PCDHGA6: variants seen among roughly 807,000 people sequenced by gnomAD.
The protein encoded by PCDHGA6 is protocadherin gamma subfamily A, 6, also known as protocadherin gamma-A6.
Under a neutral mutation model 60.6 loss-of-function variants are expected in PCDHGA6, and 41 were observed. The ratio of observed to expected loss-of-function variants is 0.68; its 90% CI spans 0.53 to 0.88. PCDHGA6 has a LOEUF of 0.88. PCDHGA6 is among the 40% of genes least tolerant of loss of function. The pLI, the probability that PCDHGA6 is intolerant of heterozygous loss-of-function variation, is 0.00. For missense variants in PCDHGA6, 1,312 were observed against 1,203.0 expected, an observed-to-expected ratio of 1.09 and a Z score of -1.34; for synonymous variants, 594 against 524.4, an observed-to-expected ratio of 1.13 and a Z score of -1.81.
rs746539261 is a variant in PCDHGA6, at chr5:141,415,336, C to A, written c.2424+38829C>A. On this transcript the variant is annotated intron_variant, in intron 1 of 3. Transcript: ENST00000517434. ...CATCGTGCTGCTGGCGCACAGGCTG[C>A]GGCGCTGGCACAAGTCACGCCTGCT... 7 of 1,614,200 alleles carry A rather than the reference C, an allele frequency of 4.3e-6. 1 individual carries two copies. The South Asian group carries it at 7.7e-5, about 18-fold the overall frequency.
intron 1 of PCDHGA6, chr5:141,415,275 G>A (rs1242620005): frequency 5.6e-6 from 9 of 1,614,094 alleles, no homozygotes; most frequent in East Asian, 4.5e-5. Flanking sequence ...TGGTGGTAGC[G>A]GTGGCCGCGG....
At position 141,490,176 on chromosome 5, in the gene PCDHGA6, G is replaced by T. The variant is rs758876319; in HGVS notation, c.2425-4631G>T. On this transcript the variant is annotated intron_variant, in intron 1 of 3. Transcript: ENST00000517434. This position sits in a 1 kb window ranked among gnomAD's most constrained non-coding sequence, Gnocchi z 5.4. ...TGTTGGGTCCCATAGACTTTGAGGAGTCACGTTTCTATGAAATTCATGCAA... is the reference window on the plus strand; with the variant it reads ...TGTTGGGTCCCATAGACTTTGAGGATTCACGTTTCTATGAAATTCATGCAA... 12 of 1,614,100 alleles carry T rather than the reference G, an allele frequency of 7.4e-6. No homozygotes were observed. Among genetic ancestry groups the T allele is most frequent in the Non-Finnish European group, 1.0e-5 (12 of 1,180,046 alleles).
rs140779776 is a variant in PCDHGA6 at position 141,412,904 on chromosome 5, C to T, written c.2424+36397C>T. On this transcript the variant is annotated intron_variant, in intron 1 of 3. Transcript: ENST00000517434. ...CAACAGAATAGTTTACTTTCCATTG[C>T]ATGTATCACTTGGGTGCAGTAACTT... The T allele has an allele frequency of 4.0e-4, 150 of 378,712 alleles. 3 individuals carry two copies. In the East Asian group the frequency reaches 6.1e-3, roughly 15 times the overall value. 23.5% of individuals were successfully genotyped at this position (378,712 alleles called of 1,614,324 possible).
intron 1 of PCDHGA6, chr5:141,409,541 G>T: frequency 6.2e-7 from 1 of 1,613,970 alleles, no homozygotes; most frequent in Non-Finnish European, 8.5e-7. Context: ...TGACATCAAC[G>T]ACAACGCCCC....
intron 1 of PCDHGA6, chr5:141,393,160 T>A: frequency 6.2e-7 from 1 of 1,613,204 alleles, no homozygotes; most frequent in Non-Finnish European, 8.5e-7. Context: ...AAAGGAAAAC[T>A]CTTTGGGGTA....
intron 1 of PCDHGA6, among the ~76,000 whole-genome samples, chr5:141,463,948 C>A (rs1397198849): frequency 6.6e-6 from 1 of 151,846 alleles, no homozygotes; most frequent in Non-Finnish European, 1.5e-5. Context: ...TAGAAATCTT[C>A]ATTTTTAAAA....
intron 1 of PCDHGA6, chr5:141,430,861 A>C: frequency 6.3e-7 from 1 of 1,592,834 alleles, no homozygotes; most frequent in Middle Eastern, 1.7e-4. Flanking sequence ...TACGCTATTC[A>C]GTTCCGGAAG....
At chr5:141,434,978 C>G (rs1287204052) in intron 1 of PCDHGA6, among the ~76,000 whole-genome samples, 2 of 151,700 alleles carry the variant, frequency 1.3e-5, no homozygotes, top group Non-Finnish European at 2.9e-5. Flanking sequence ...TTTGTTAATA[C>G]TCTATATCAT....
intron 2 of PCDHGA6, among the ~76,000 whole-genome samples, chr5:141,504,422 T>G (rs1375202110): frequency 6.6e-6 from 1 of 152,078 alleles, no homozygotes; most frequent in Admixed American, 6.6e-5. Context: ...AGACAGGCAC[T>G]ACAACAGCTG....
chr5:141,407,123 C>T (rs1271155338), intron 1 of PCDHGA6, among the ~76,000 whole-genome samples: 2 of 152,078 alleles, frequency 1.3e-5, no homozygotes, highest in East Asian at 3.8e-4. Context: ...GTTTCAGTTG[C>T]TTTATTTTTA....
At chr5:141,503,555 C>T (rs1010409481) in intron 2 of PCDHGA6, among the ~76,000 whole-genome samples, 2 of 148,816 alleles carry the variant, frequency 1.3e-5, no homozygotes, top group African/African-American at 5.0e-5. Context: ...GCCGAGATCG[C>T]GCCACTGTAC....
intron 1 of PCDHGA6, among the ~76,000 whole-genome samples, chr5:141,467,938 C>A (rs527892047): frequency 9.8e-5 from 15 of 152,304 alleles, no homozygotes; most frequent in Non-Finnish European, 1.5e-4. Flanking sequence ...GGATTACAAG[C>A]ATGAGCCACC....
chr5:141,392,900 A>G, intron 1 of PCDHGA6: 1 of 1,613,714 alleles, frequency 6.2e-7, no homozygotes, highest in Non-Finnish European at 8.5e-7. Flanking sequence ...TCGGGAGGGG[A>G]CAGATTCGCT....
intron 1 of PCDHGA6, among the ~76,000 whole-genome samples, chr5:141,444,095 T>C (rs1012556994): frequency 2.0e-5 from 3 of 150,676 alleles, no homozygotes; most frequent in Admixed American, 1.3e-4. Flanking sequence ...CTGCTAAGGA[T>C]TGGAAACCAA....
Position 141,437,685 on chromosome 5 carries a change from G to A in PCDHGA6, c.2425-57122G>A, listed in dbSNP as rs116699614. ...GAAGAGATGTTGATCAAACTGATGA[G>A]GCTAAATCTCAAGAAAGAGACACAG... On this transcript the variant is annotated intron_variant, in intron 1 of 3. Coordinates refer to ENST00000517434, the MANE Select transcript of PCDHGA6 (RefSeq NM_018919.3). Among the ~76,000 whole-genome samples the A allele has an allele frequency of 1.0e-2, 1,519 of 151,976 alleles. 34 individuals carry two copies. The highest frequency in any genetic ancestry group is 0.034 in the African/African-American group (1,425 of 41,440).
intron 2 of PCDHGA6, among the ~76,000 whole-genome samples, chr5:141,499,029 A>G (rs140948405): frequency 1.5e-3 from 205 of 140,068 alleles, no homozygotes; most frequent in African/African-American, 5.5e-3. Context: ...AGGAAGGAAG[A>G]AAAGAAAGAA....
intron 1 of PCDHGA6, among the ~76,000 whole-genome samples, chr5:141,438,579 CATACATACATACAT>C (rs1434774868): frequency 9.0e-5 from 5 of 55,782 alleles, no homozygotes; most frequent in Admixed American, 2.8e-4. Context: ...GATATACATA[CATACATACATACAT>C]ATATATATAT....
At chr5:141,394,552 G>T (rs368792885) in intron 1 of PCDHGA6, 4 of 1,614,070 alleles carry the variant, frequency 2.5e-6, no homozygotes, top group East Asian at 4.5e-5. Flanking sequence ...CTGGCGCCCC[G>T]CTCCGCAGAG....
intron 1 of PCDHGA6, chr5:141,393,700 A>T: frequency 6.2e-7 from 1 of 1,613,934 alleles, no homozygotes; most frequent in Non-Finnish European, 8.5e-7. Context: ...CAGCTTAATG[A>T]AAATACTGGG....
Sources: gnomAD v4.1 joint callset for allele counts (sites outside exome capture counted in the v4.1 genomes callset) on GRCh38, gnomAD v4.1.1 for gene constraint, Gnocchi (gnomAD v3.1) non-coding constraint, MANE v1.5 for transcripts, NCBI Gene and HGNC (gene_info 2026-07-23, HGNC 2026-07-21) for gene names.